MYO16: variants seen among roughly 807,000 people sequenced by gnomAD.
The protein encoded by MYO16 is myosin XVI, also known as unconventional myosin-XVI.
In MYO16, 94 loss-of-function variants were observed where a neutral mutation model predicts 205.3. The ratio of observed to expected loss-of-function variants is 0.46; its 90% confidence interval spans 0.39 to 0.54. The LOEUF is 0.54. Among genes scored for constraint, MYO16 ranks in the 20% least tolerant of loss-of-function variants. The pLI, the probability that MYO16 is intolerant of heterozygous loss-of-function variation, is 0.00. For missense variants in MYO16, 2,315 were observed against 2,387.5 expected (o/e 0.97, Z 0.63); for synonymous variants, 988 against 954.0 (o/e 1.04, Z -0.66).
In MYO16 at chr13:109,046,928, G is replaced by A; in HGVS notation, c.2809G>A (p.Val937Ile). ...MHYAGRVMYD[V>I]VGAIEKNKDS... ...TCTTTTATTCTAGGTAATGTATGAT[G>A]TTGTTGGGGCGATTGAAAAAAATAA... The change falls in exon 24 of 35, where the codon GTT (valine) becomes ATT (isoleucine). Residue 937 changes from valine (V) to isoleucine (I), a missense_variant. This residue lies in a region of MYO16 where 1,213 missense variants were observed against 1,274.4 expected (regional missense o/e 0.95). Transcript: ENST00000457511. 2 of 1,608,028 alleles carry A rather than the reference G, an allele frequency of 1.2e-6. No homozygotes were observed. Among genetic ancestry groups the A allele is most frequent in the Non-Finnish European group, 1.7e-6 (2 of 1,174,754 alleles).
In MYO16 at chr13:109,011,983, AAT is replaced by A. The variant is rs149274066; in HGVS notation, c.2595+2939_2595+2940del. Among the ~76,000 whole-genome samples the A allele has an allele frequency of 3.6e-3, 549 of 152,298 alleles. 3 individuals are homozygous for A. Among genetic ancestry groups the A allele is most frequent in the Middle Eastern group, 0.017 (5 of 292 alleles). ...ACAAACTGAATTCACAATAGGGGTC[AAT>A]ATATGTCTCTTTACTTCCTGAGAAG... is the stretch of plus-strand genomic sequence containing the variant. On this transcript the variant is annotated intron_variant, in intron 22 of 34. Transcript: ENST00000457511.
At chr13:109,048,706 G>C (rs955809318) in intron 24 of MYO16, 1 of 184,262 alleles carries the variant, frequency 5.4e-6, no homozygotes, top group East Asian at 1.3e-4. Flanking sequence ...TTAAAAGCAA[G>C]TGTAATTCAT....
intron 33 of MYO16, among the ~76,000 whole-genome samples, chr13:109,172,336 G>A (rs921084293): frequency 3.3e-5 from 5 of 152,154 alleles, no homozygotes; most frequent in Non-Finnish European, 7.3e-5. Flanking sequence ...AGTTACCTTT[G>A]CAAAGAAAGA....
Position 108,842,799 on chromosome 13 carries a change from A to G in MYO16, c.1098-1544A>G, listed in dbSNP as rs538093103. On this transcript the variant is annotated intron_variant, in intron 9 of 34. Transcript: ENST00000457511. ...AAATCAAGATCTCAAAGAGGTATGT[A>G]CTGTCCCATGTTCATTTCAGCATTA... Among the ~76,000 whole-genome samples, 5 of 152,330 alleles carry G rather than the reference A, an allele frequency of 3.3e-5. No homozygotes were observed. In the South Asian group the frequency reaches 6.2e-4, roughly 19 times the overall value.
chr13:109,022,521 A>C (rs1475737977), intron 23 of MYO16, among the ~76,000 whole-genome samples: 5 of 122,944 alleles, frequency 4.1e-5, no homozygotes, highest in African/African-American at 1.6e-4. Flanking sequence ...TATATTTGTT[A>C]TATATACAAT....
At chr13:108,811,114 A>G (rs196178) in intron 7 of MYO16, among the ~76,000 whole-genome samples, 133,961 of 152,146 alleles carry the variant, frequency 0.88, 61,485 homozygotes, top group East Asian at 1. Flanking sequence ...CCAAAGATAA[A>G]AAAATATTTG....
the MYO16 span, among the ~76,000 whole-genome samples, chr13:108,578,786 T>C: frequency 6.6e-6 from 1 of 152,082 alleles, no homozygotes; most frequent in African/African-American, 2.4e-5. Context: ...TACTTTCTAA[T>C]TGGTCTTGTG....
intron 1 of MYO16, among the ~76,000 whole-genome samples, chr13:108,613,130 C>T (rs756629293): frequency 5.3e-5 from 8 of 152,032 alleles, no homozygotes; most frequent in African/African-American, 1.2e-4. Context: ...AAATTGGGCA[C>T]GTTGTCTTAA....
At chr13:109,181,659 CAG>C (rs1469294979) in intron 34 of MYO16, among the ~76,000 whole-genome samples, 1 of 152,060 alleles carries the variant, frequency 6.6e-6, no homozygotes, top group Non-Finnish European at 1.5e-5. Flanking sequence ...AAAATAGAGT[CAG>C]TGATTTGCCA....
chr13:108,983,539 C>T (rs1594445921), intron 20 of MYO16, among the ~76,000 whole-genome samples: 1 of 152,188 alleles, frequency 6.6e-6, no homozygotes, highest in Non-Finnish European at 1.5e-5. Flanking sequence ...ACTGAGGACA[C>T]ACTTGAAAAA....
intron 6 of MYO16, among the ~76,000 whole-genome samples, chr13:108,794,590 C>G (rs1210585190): frequency 6.6e-6 from 1 of 152,122 alleles, no homozygotes; most frequent in Admixed American, 6.5e-5. Context: ...TTTTATGGCT[C>G]TCAAGCACTG....
At chr13:108,742,742 T>A (rs1884947753) in intron 4 of MYO16, among the ~76,000 whole-genome samples, 1 of 152,198 alleles carries the variant, frequency 6.6e-6, no homozygotes, top group African/African-American at 2.4e-5. Context: ...CATGTACATA[T>A]TTACATGTAT....
intron 3 of MYO16, among the ~76,000 whole-genome samples, chr13:108,720,527 C>A (rs1884122492): frequency 6.6e-6 from 1 of 152,166 alleles, no homozygotes; most frequent in Admixed American, 6.5e-5. Flanking sequence ...AAATTGTGCA[C>A]CTCACGTCAC....
chr13:109,145,267 C>T (rs533708305), intron 32 of MYO16, among the ~76,000 whole-genome samples: 52 of 152,152 alleles, frequency 3.4e-4, no homozygotes, highest in African/African-American at 1.2e-3. Flanking sequence ...CTGCTGTGCT[C>T]GTGCGGGACA....
intron 9 of MYO16, among the ~76,000 whole-genome samples, chr13:108,832,224 C>G (rs1392470118): frequency 6.7e-6 from 1 of 148,620 alleles, no homozygotes; most frequent in Non-Finnish European, 1.5e-5. Flanking sequence ...CTTACTGCAA[C>G]CTCCGCCTCC....
intron 12 of MYO16, 45 bp from the exon 13 acceptor site, chr13:108,883,014 G>C: frequency 6.2e-7 from 1 of 1,603,798 alleles, no homozygotes; most frequent in South Asian, 1.1e-5. Context: ...GAATACTGGC[G>C]CCTTTTCACT....
intron 2 of MYO16, among the ~76,000 whole-genome samples, chr13:108,685,966 C>G (rs2139481472): frequency 6.6e-6 from 1 of 152,290 alleles, no homozygotes. Context: ...AAGACCTTCT[C>G]TTTGAATAAA....
chr13:109,003,635 T>C (rs1307744105), intron 21 of MYO16, among the ~76,000 whole-genome samples: 1 of 152,234 alleles, frequency 6.6e-6, no homozygotes, highest in Non-Finnish European at 1.5e-5. Flanking sequence ...CACGGTTTCA[T>C]CTACATTCAT....
At position 108,881,390 on chromosome 13, in the gene MYO16, C is replaced by A. The variant is rs147810877; in HGVS notation, c.1426-1669C>A. On this transcript the variant is annotated intron_variant, in intron 12 of 34. Coordinates refer to ENST00000457511, the MANE Select transcript of MYO16 (RefSeq NM_001198950.3). ...TAAAAATCAGAGCGCTTCTTCTCTTCCAAAGGAACGCAGCTCCTCGCCAGC... is the reference window on the plus strand; with the variant it reads ...TAAAAATCAGAGCGCTTCTTCTCTTACAAAGGAACGCAGCTCCTCGCCAGC... 2.1e-3 allele frequency among the ~76,000 whole-genome samples: 317 copies of A among 152,234 alleles called. 2 individuals are homozygous for A. Among genetic ancestry groups the A allele is most frequent in the South Asian group, 6.6e-3 (32 of 4,814 alleles).
Sources: allele counts gnomAD v4.1 joint callset (sites outside exome capture counted in the v4.1 genomes callset), GRCh38; gene constraint gnomAD v4.1.1; regional missense constraint gnomAD v4.1.1; transcripts MANE v1.5; gene names NCBI Gene and HGNC (gene_info 2026-07-23, HGNC 2026-07-21).